OSBPL10: variants seen among roughly 807,000 people sequenced by gnomAD.
The protein encoded by OSBPL10 is oxysterol-binding protein-related protein 10.
In OSBPL10, 49 loss-of-function variants were observed where a neutral mutation model predicts 81.7. The observed-to-expected ratio is 0.60, with a 90% CI of 0.48 to 0.76. The LOEUF (loss-of-function observed/expected upper bound fraction) is 0.76, where lower values mean the gene tolerates loss of function less well. OSBPL10 is among the 30% of genes least tolerant of loss of function. The pLI is 0.00. For missense variants in OSBPL10, 923 were observed against 987.8 expected (o/e 0.93, Z 0.88); for synonymous variants, 419 against 383.6 (o/e 1.09, Z -1.08).
At chr3:31,893,894 A>T (rs908558193) in intron 1 of OSBPL10, among the ~76,000 whole-genome samples, 60 of 152,306 alleles carry the variant, frequency 3.9e-4, no homozygotes, top group African/African-American at 1.3e-3. Flanking sequence ...TTATTTTTTT[A>T]AAAAAATGTT....
intron 1 of OSBPL10, among the ~76,000 whole-genome samples, chr3:31,925,505 A>T (rs1697047212): frequency 6.6e-6 from 1 of 151,014 alleles, no homozygotes; most frequent in African/African-American, 2.4e-5. Context: ...TTTGAGTGAA[A>T]GGAGTGCTAT....
rs1254522541 is a variant in OSBPL10, at chr3:31,835,161, G to GTCAT, written c.538-4934_538-4931dup. On this transcript the variant is annotated intron_variant, in intron 3 of 11. Coordinates refer to ENST00000396556, the MANE Select transcript of OSBPL10 (RefSeq NM_017784.5). ...AAGGCTTCCTTAACTTTAAAAGACA[G>GTCAT]TCATCCTAATTACTAAAAAACCACT... 7.9e-5 allele frequency among the ~76,000 whole-genome samples: 12 copies of GTCAT among 152,170 alleles called. No homozygotes were observed. The East Asian group carries it at 2.3e-3, about 29-fold the overall frequency.
At position 31,713,324 on chromosome 3, in the gene OSBPL10, C is replaced by T. The variant is rs145649190; in HGVS notation, c.1096-10816G>A. On this transcript the variant is annotated intron_variant, in intron 6 of 11. Transcript: ENST00000396556. ...GGACAGGCTTACCTCAGGGCCTTTG[C>T]ACCTGCTCTTATAGGTCTTCTTCAT... is the stretch of plus-strand genomic sequence containing the variant. Among the ~76,000 whole-genome samples, 952 of 152,316 alleles carry T rather than the reference C, an allele frequency of 6.3e-3. 13 individuals are homozygous for T. Among genetic ancestry groups the T allele is most frequent in the African/African-American group, 0.022 (925 of 41,570 alleles).
intron 8 of OSBPL10, among the ~76,000 whole-genome samples, chr3:31,672,455 C>A (rs1193466741): frequency 7.4e-6 from 1 of 134,580 alleles, no homozygotes; most frequent in African/African-American, 2.9e-5. Context: ...GGTGGGAGTG[C>A]GGAGGGAGGG....
At chr3:31,896,310 G>A (rs938902050) in intron 1 of OSBPL10, among the ~76,000 whole-genome samples, 1 of 152,110 alleles carries the variant, frequency 6.6e-6, no homozygotes, top group African/African-American at 2.4e-5. Flanking sequence ...TCCCTTAGGG[G>A]GATCAAATGT....
chr3:32,008,760 G>GA lies in OSBPL10; in HGVS notation n.298+37730dup, dbSNP rs11328847. On this transcript the variant is annotated intron_variant and non_coding_transcript_variant, in intron 2 of 3. Transcript: ENST00000479173. ...GGGAGACAGAGTGAGATCCTGACTG[G>GA]AAAAAAAAAAAAAAAAAGAAGAACA... is the stretch of plus-strand genomic sequence containing the variant. Among the ~76,000 whole-genome samples, 597 of 114,442 alleles carry GA rather than the reference G, an allele frequency of 5.2e-3. 6 individuals are homozygous for GA. Among genetic ancestry groups the GA allele is most frequent in the African/African-American group, 0.014 (464 of 32,012 alleles). 75.1% of individuals were successfully genotyped at this position (114,442 alleles called of 152,430 possible).
intron 6 of OSBPL10, 151 bp downstream of exon 6, chr3:31,733,106 A>G (rs1175134618): frequency 1.9e-6 from 2 of 1,048,174 alleles, no homozygotes; most frequent in Non-Finnish European, 2.8e-6. Flanking sequence ...GGGCATGCAC[A>G]TAGCTGATTT....
intron 4 of OSBPL10, among the ~76,000 whole-genome samples, chr3:31,820,715 G>A (rs1355087114): frequency 1.3e-5 from 2 of 152,148 alleles, no homozygotes; most frequent in African/African-American, 2.4e-5. Context: ...GTGAGAAGCC[G>A]CTGTAAGTGT....
At chr3:31,855,757 C>A (rs183210643) in intron 3 of OSBPL10, among the ~76,000 whole-genome samples, 1 of 152,224 alleles carries the variant, frequency 6.6e-6, no homozygotes, top group Admixed American at 6.5e-5. Context: ...CAGACACCCC[C>A]ACTCTGAACA....
intron 1 of OSBPL10, among the ~76,000 whole-genome samples, chr3:31,951,675 C>A (rs1697872690): frequency 6.7e-6 from 1 of 150,214 alleles, no homozygotes; most frequent in South Asian, 2.1e-4. Flanking sequence ...TGATTGTATA[C>A]AATTATAAAA....
intron 3 of OSBPL10, among the ~76,000 whole-genome samples, chr3:31,852,837 C>T (rs1026500894): frequency 1.3e-4 from 20 of 152,142 alleles, no homozygotes; most frequent in Non-Finnish European, 2.1e-4. Context: ...CCTCAGCCTC[C>T]CTAAGGGCTG....
intron 2 of OSBPL10, among the ~76,000 whole-genome samples, chr3:32,016,400 AAC>A (rs1474286422): frequency 6.6e-6 from 1 of 152,132 alleles, no homozygotes; most frequent in African/African-American, 2.4e-5. Flanking sequence ...GAACAATGAG[AAC>A]ACATGGACAC....
intron 4 of OSBPL10, among the ~76,000 whole-genome samples, chr3:31,775,023 C>T (rs534677333): frequency 2.4e-4 from 37 of 151,468 alleles, no homozygotes; most frequent in African/African-American, 8.7e-4. Context: ...AAAAATTAGC[C>T]GGGAATGGTG....
intron 5 of OSBPL10, among the ~76,000 whole-genome samples, chr3:31,737,676 G>C (rs761830939): frequency 6.6e-6 from 1 of 152,128 alleles, no homozygotes; most frequent in Non-Finnish European, 1.5e-5. Flanking sequence ...AAAAGACACA[G>C]ATGACAATCA....
chr3:31,865,025 G>T (rs534649518), intron 3 of OSBPL10, among the ~76,000 whole-genome samples: 2 of 152,126 alleles, frequency 1.3e-5, no homozygotes, highest in African/African-American at 4.8e-5. Flanking sequence ...AGCATTTAAT[G>T]CCGAGGTCCT....
chr3:32,035,244 T>C (rs1371126894), intron 2 of OSBPL10, among the ~76,000 whole-genome samples: 1 of 151,816 alleles, frequency 6.6e-6, no homozygotes, highest in African/African-American at 2.4e-5. Flanking sequence ...ATAGAAAAAA[T>C]ATAATAAAAC....
chr3:31,756,101 G>A (rs541824888), intron 4 of OSBPL10, among the ~76,000 whole-genome samples: 3 of 152,252 alleles, frequency 2.0e-5, no homozygotes, highest in Non-Finnish European at 4.4e-5. Context: ...CTGCTTCTTG[G>A]CAGGCAGGAA....
chr3:31,674,579 TAGATTAGATAGATAGATAGATAGA>T (rs1464709008), intron 8 of OSBPL10, among the ~76,000 whole-genome samples: 12 of 141,334 alleles, frequency 8.5e-5, no homozygotes, highest in African/African-American at 3.1e-4. Flanking sequence ...GACAGATAGA[TAGATTAGATAGATAGATAGATAGA>T]TAGATAGATA....
At chr3:31,712,412 T>C (rs2125618014) in intron 6 of OSBPL10, among the ~76,000 whole-genome samples, 1 of 152,290 alleles carries the variant, frequency 6.6e-6, no homozygotes, top group South Asian at 2.1e-4. Flanking sequence ...GTTAAGGACC[T>C]TGAGATGAGG....
Sources: allele counts gnomAD v4.1 joint callset (sites outside exome capture counted in the v4.1 genomes callset), GRCh38; gene constraint gnomAD v4.1.1; transcripts MANE v1.5; gene names NCBI Gene and HGNC (gene_info 2026-07-23, HGNC 2026-07-21).